The following RPS6KA2 variants were observed in gnomAD, a reference collection of about 807,000 sequenced individuals.
RPS6KA2 encodes the protein ribosomal protein S6 kinase A2, also known as ribosomal protein S6 kinase alpha-2.
Under a neutral mutation model 91.8 loss-of-function variants are expected in RPS6KA2, and 42 were observed. The observed-to-expected ratio is 0.46, with a 90% CI of 0.36 to 0.59. The LOEUF (loss-of-function observed/expected upper bound fraction) is 0.59. Ranked by LOEUF, RPS6KA2 falls within the 20% of genes least tolerant of loss-of-function variation. The pLI is 0.00. For synonymous variants in RPS6KA2, 414 were observed against 393.6 expected (o/e 1.05, Z -0.61); for missense variants, 798 against 978.5 (o/e 0.82, Z 2.46).
chr6:166,857,259 C>T (rs1043918757), intron 2 of RPS6KA2, among the ~76,000 whole-genome samples: 8 of 152,292 alleles, frequency 5.3e-5, no homozygotes, highest in African/African-American at 1.9e-4. Context: ...TAAAAGTCAA[C>T]AGAGTTGCAA....
chr6:166,801,983 C>T (rs899093558), intron 2 of RPS6KA2, among the ~76,000 whole-genome samples: 6 of 151,636 alleles, frequency 4.0e-5, no homozygotes, highest in East Asian at 1.9e-4. Flanking sequence ...CTAGGCCGGG[C>T]GTGGTGGCTC....
At chr6:166,441,628 CCT>C (rs1360896536) in intron 14 of RPS6KA2, among the ~76,000 whole-genome samples, 3 of 152,222 alleles carry the variant, frequency 2.0e-5, no homozygotes, top group African/African-American at 7.2e-5. Context: ...CACAAGCTCC[CCT>C]GAGTCCTCTC....
chr6:166,558,213 G>C (rs1372205339), intron 1 of RPS6KA2, among the ~76,000 whole-genome samples: 1 of 151,888 alleles, frequency 6.6e-6, no homozygotes, highest in Non-Finnish European at 1.5e-5. Flanking sequence ...CGAGTCCCAA[G>C]GTCTCCAGTT....
Position 166,451,094 on chromosome 6 carries a change from C to T in RPS6KA2, c.1206+9G>A. The T allele has an allele frequency of 6.2e-7, 1 of 1,613,890 alleles. No individual in the cohort carries two copies. Among genetic ancestry groups the T allele is most frequent in the Non-Finnish European group, 8.5e-7 (1 of 1,179,838 alleles). On this transcript the variant is annotated intron_variant, in intron 13 of 20. Coordinates refer to ENST00000265678, the MANE Select transcript of RPS6KA2 (RefSeq NM_021135.6). ...TTACCCCCAACCCACTGCAGGCAAA[C>T]ACAGTTACCTGCACGATTGGGTGAA...
rs923225394 is a variant in RPS6KA2, at chr6:166,500,770, C to A, written c.604+117G>T. ...ATAGAAAATTCTGCCAAATCAGAGA[C>A]AAGCATCTGGCAAAGGGAAGGGCGG... is the stretch of plus-strand genomic sequence containing the variant. On this transcript the variant is annotated intron_variant, in intron 7 of 20. Coordinates refer to ENST00000265678, the MANE Select transcript of RPS6KA2 (RefSeq NM_021135.6). The surrounding 1 kb of genome is among the most constrained non-coding windows in gnomAD (Gnocchi z 4.3). 1.1e-6 allele frequency: 1 copy of A among 927,136 alleles called. No homozygotes were observed. The highest frequency in any genetic ancestry group is 1.7e-6 in the Non-Finnish European group (1 of 580,818). The allele number at this position is 927,136 out of a possible 1,614,324, so 57.4% of individuals were successfully genotyped here. A position where few individuals can be genotyped will look rare whatever the true frequency, so the allele number is the denominator to read the frequency against.
chr6:166,474,772 C>A (rs1373620248), intron 10 of RPS6KA2, among the ~76,000 whole-genome samples: 1 of 152,134 alleles, frequency 6.6e-6, no homozygotes, highest in African/African-American at 2.4e-5. Context: ...GAGAAGCAGC[C>A]AACACCACAC....
chr6:166,685,434 T>C (rs1788983785), intron 2 of RPS6KA2, among the ~76,000 whole-genome samples: 1 of 152,234 alleles, frequency 6.6e-6, no homozygotes, highest in Non-Finnish European at 1.5e-5. Flanking sequence ...TCACTGTCCA[T>C]CCCACTTGTC....
At position 166,824,622 on chromosome 6, in the gene RPS6KA2, T is replaced by C. The variant is rs1583156837; in HGVS notation, c.123+33578A>G. On this transcript the variant is annotated intron_variant, in intron 2 of 21. Transcript: ENST00000503859. ...CATGTCTAATATGTGTGTGTCTGTGTGTCTATGTGGGTGTCTGTATGTCTG... is the reference window on the plus strand; with the variant it reads ...CATGTCTAATATGTGTGTGTCTGTGCGTCTATGTGGGTGTCTGTATGTCTG... Among the ~76,000 whole-genome samples the C allele has an allele frequency of 5.4e-5, 8 of 148,542 alleles. 1 individual carries two copies. The South Asian group carries it at 1.8e-3, about 34-fold the overall frequency.
intron 3 of RPS6KA2, among the ~76,000 whole-genome samples, chr6:166,517,463 T>G (rs1419500054): frequency 0.071 from 3,872 of 54,406 alleles, 231 homozygotes; most frequent in African/African-American, 0.18. Flanking sequence ...TTGTTTTTTT[T>G]TTTTTTTTTT....
chr6:166,461,068 C>A (rs1294319353), intron 11 of RPS6KA2, among the ~76,000 whole-genome samples: 2 of 152,066 alleles, frequency 1.3e-5, no homozygotes, highest in African/African-American at 2.4e-5. Context: ...GAGGTGCCAA[C>A]AGACGCCCCC....
intron 1 of RPS6KA2, among the ~76,000 whole-genome samples, chr6:166,569,394 C>T (rs370722009): frequency 2.2e-4 from 33 of 152,358 alleles, no homozygotes; most frequent in African/African-American, 6.5e-4. Context: ...CCATTTCATT[C>T]GGCTCCCTTG....
chr6:166,443,615 T>G (rs756410025), intron 14 of RPS6KA2, among the ~76,000 whole-genome samples: 27 of 152,200 alleles, frequency 1.8e-4, no homozygotes, highest in Non-Finnish European at 3.8e-4. Flanking sequence ...GCTGTGAAAT[T>G]CTTACGGTAG....
intron 2 of RPS6KA2, among the ~76,000 whole-genome samples, chr6:166,744,073 C>T (rs904723094): frequency 6.6e-6 from 1 of 152,156 alleles, no homozygotes; most frequent in African/African-American, 2.4e-5. Context: ...ACCCTGAGCA[C>T]CTGAGTATCC....
At position 166,775,617 on chromosome 6, in the gene RPS6KA2, C is replaced by T. The variant is rs546729370; in HGVS notation, c.123+82583G>A. Among the ~76,000 whole-genome samples the T allele has an allele frequency of 1.6e-4, 25 of 152,338 alleles. No individual in the cohort carries two copies. The Middle Eastern group carries it at 0.014, about 83-fold the overall frequency. ...GGTGCTCAGCTCTCCCCACACCTGC[C>T]AGCTTTATTTGGATTTCTGTCAGTT... On this transcript the variant is annotated intron_variant, in intron 2 of 21. Transcript: ENST00000503859.
At chr6:166,486,095 C>T (rs550668115) in intron 10 of RPS6KA2, among the ~76,000 whole-genome samples, 15 of 152,292 alleles carry the variant, frequency 9.8e-5, no homozygotes, top group South Asian at 2.1e-4. Context: ...TGGCTAACGA[C>T]GACCGTCACC....
chr6:166,706,213 G>T (rs552306427), intron 2 of RPS6KA2, among the ~76,000 whole-genome samples: 86 of 152,270 alleles, frequency 5.6e-4, no homozygotes, highest in African/African-American at 1.9e-3. Flanking sequence ...AAACTTAAGT[G>T]GTGAAATTTT....
intron 8 of RPS6KA2, among the ~76,000 whole-genome samples, chr6:166,492,376 GCT>G (rs1455882718): frequency 2.0e-5 from 3 of 152,206 alleles, no homozygotes; most frequent in African/African-American, 7.2e-5. Context: ...AGGCCAGAAT[GCT>G]CTGACTGGCA....
chr6:166,720,541 TA>T (rs1292541857), intron 2 of RPS6KA2, among the ~76,000 whole-genome samples: 1 of 151,912 alleles, frequency 6.6e-6, no homozygotes, highest in Non-Finnish European at 1.5e-5. Flanking sequence ...TCCCCAAAAA[TA>T]AAAGTGTAAG....
At chr6:166,690,036 A>G (rs1306007987) in intron 2 of RPS6KA2, among the ~76,000 whole-genome samples, 2 of 152,108 alleles carry the variant, frequency 1.3e-5, no homozygotes, top group Admixed American at 6.5e-5. Context: ...ATCCCACCGC[A>G]TGGCTCCGGT....
Sources: allele counts gnomAD v4.1 joint callset (sites outside exome capture counted in the v4.1 genomes callset), GRCh38; gene constraint gnomAD v4.1.1; non-coding constraint Gnocchi (gnomAD v3.1); transcripts MANE v1.5; gene names NCBI Gene and HGNC (gene_info 2026-07-23, HGNC 2026-07-21).